Variants in DTNBP1 observed in about 807,000 individuals in gnomAD.
DTNBP1 encodes dysbindin.
A neutral mutation model predicts 42.8 loss-of-function variants in DTNBP1; 35 were observed. The ratio of observed to expected loss-of-function variants is 0.82; its 90% confidence interval spans 0.63 to 1.09. The LOEUF is 1.09. Ranked by LOEUF, DTNBP1 falls within the 50% of genes least tolerant of loss-of-function variation. DTNBP1 has a pLI of 0.00. For synonymous variants in DTNBP1, 171 were observed against 162.2 expected, an observed-to-expected ratio of 1.05 and a Z score of -0.41; for missense variants, 457 against 424.2, an observed-to-expected ratio of 1.08 and a Z score of -0.68.
chr6:15,657,239 T>C (rs1761337388), intron 1 of DTNBP1, among the ~76,000 whole-genome samples: 1 of 152,226 alleles, frequency 6.6e-6, no homozygotes, highest in Non-Finnish European at 1.5e-5. Flanking sequence ...AAATTTCCAA[T>C]TGCTTCTCAG....
At chr6:15,562,800 A>T (rs1288324396) in intron 7 of DTNBP1, among the ~76,000 whole-genome samples, 1 of 152,144 alleles carries the variant, frequency 6.6e-6, no homozygotes, top group Non-Finnish European at 1.5e-5. Flanking sequence ...TAATACTCTT[A>T]ATCTGCGTAA....
chr6:15,603,958 C>T (rs1360846275), intron 6 of DTNBP1, among the ~76,000 whole-genome samples: 3 of 152,156 alleles, frequency 2.0e-5, no homozygotes, highest in Non-Finnish European at 4.4e-5. Context: ...ACTCTCTCCT[C>T]TCTGGGACTA....
At chr6:15,657,645 G>A (rs537167530) in intron 1 of DTNBP1, among the ~76,000 whole-genome samples, 3 of 152,250 alleles carry the variant, frequency 2.0e-5, no homozygotes, top group East Asian at 3.9e-4. Context: ...CAGAACTTAT[G>A]GCCGTCTAGA....
chr6:15,579,967 C>T (rs747014463), intron 7 of DTNBP1: 1 of 237,670 alleles, frequency 4.2e-6, no homozygotes, highest in Middle Eastern at 4.5e-4. Context: ...ATTATGTGTC[C>T]ATTTAAAATA....
At chr6:15,636,092 A>G (rs2113764311) in intron 4 of DTNBP1, among the ~76,000 whole-genome samples, 1 of 151,848 alleles carries the variant, frequency 6.6e-6, no homozygotes, top group African/African-American at 2.4e-5. Flanking sequence ...AGGTTTAGAC[A>G]GTTTCATCCA....
intron 7 of DTNBP1, among the ~76,000 whole-genome samples, chr6:15,549,235 C>T (rs910990185): frequency 2.6e-5 from 4 of 152,078 alleles, no homozygotes; most frequent in South Asian, 2.1e-4. Context: ...GCCTGTAATC[C>T]GAGCACTTTG....
intron 7 of DTNBP1, among the ~76,000 whole-genome samples, chr6:15,591,071 G>C (rs1776277964): frequency 6.6e-6 from 1 of 150,724 alleles, no homozygotes; most frequent in Non-Finnish European, 1.5e-5. Context: ...TAATACTTTG[G>C]AAGAGCTATT....
chr6:15,525,287 G>A (rs754951892), intron 8 of DTNBP1, among the ~76,000 whole-genome samples: 44 of 152,312 alleles, frequency 2.9e-4, no homozygotes, highest in Admixed American at 8.5e-4. Context: ...CACTGAGCAC[G>A]GGATGCCCCA....
intron 7 of DTNBP1, among the ~76,000 whole-genome samples, chr6:15,551,476 C>T (rs977477180): frequency 1.3e-5 from 2 of 152,200 alleles, no homozygotes; most frequent in Non-Finnish European, 2.9e-5. Context: ...CAGCCAACAC[C>T]TGATGGTTCT....
Position 15,603,343 on chromosome 6 carries a change from G to C in DTNBP1, c.489-10262C>G, listed in dbSNP as rs190849743. Among the ~76,000 whole-genome samples, 3 of 152,250 alleles carry C rather than the reference G, an allele frequency of 2.0e-5. No individual in the cohort carries two copies. In the East Asian group the frequency reaches 5.8e-4, roughly 29 times the overall value. ...CCACCTGGGAACCATCTAAAATCTAGCATCTAATAGGGAGAGGGGGGAGTA... is the reference window on the plus strand; with the variant it reads ...CCACCTGGGAACCATCTAAAATCTACCATCTAATAGGGAGAGGGGGGAGTA... On this transcript the variant is annotated intron_variant, in intron 6 of 9. Transcript: ENST00000344537.
intron 6 of DTNBP1, among the ~76,000 whole-genome samples, chr6:15,604,534 ACTCCT>A (rs1757914244): frequency 6.6e-6 from 1 of 151,824 alleles, no homozygotes; most frequent in Non-Finnish European, 1.5e-5. Context: ...TGAGGGCCAC[ACTCCT>A]GCCACACCTC....
At chr6:15,538,247 G>A (rs1395673378) in intron 7 of DTNBP1, among the ~76,000 whole-genome samples, 1 of 152,158 alleles carries the variant, frequency 6.6e-6, no homozygotes, top group Non-Finnish European at 1.5e-5. Flanking sequence ...ACAGGGATTT[G>A]ACACAGGGCC....
At chr6:15,577,309 G>C (rs1775622299) in intron 7 of DTNBP1, among the ~76,000 whole-genome samples, 1 of 152,240 alleles carries the variant, frequency 6.6e-6, no homozygotes, top group East Asian at 1.9e-4. Context: ...AGGCCACAGA[G>C]AGTTTGGCAC....
chr6:15,614,721 T>A (rs904008264), intron 6 of DTNBP1, among the ~76,000 whole-genome samples: 5 of 152,210 alleles, frequency 3.3e-5, no homozygotes, highest in Admixed American at 2.6e-4. Flanking sequence ...CTGAATTAGG[T>A]AACAATTAAT....
At chr6:15,659,877 C>A (rs1761504793) in intron 1 of DTNBP1, among the ~76,000 whole-genome samples, 1 of 151,938 alleles carries the variant, frequency 6.6e-6, no homozygotes, top group South Asian at 2.1e-4. Flanking sequence ...TTTGTGTTGC[C>A]CAGTCTTGAA....
chr6:15,649,843 C>T (rs762409526), intron 3 of DTNBP1, among the ~76,000 whole-genome samples: 2 of 152,080 alleles, frequency 1.3e-5, no homozygotes, highest in South Asian at 4.1e-4. Context: ...AAAAAATGTA[C>T]CACACAAAAA....
intron 7 of DTNBP1, among the ~76,000 whole-genome samples, chr6:15,540,302 C>T (rs1345698828): frequency 6.6e-6 from 1 of 152,146 alleles, no homozygotes; most frequent in African/African-American, 2.4e-5. Context: ...AATAAGTCAA[C>T]CCTAAAATAC....
At chr6:15,626,291 A>C (rs1259493918) in intron 5 of DTNBP1, among the ~76,000 whole-genome samples, 4 of 152,224 alleles carry the variant, frequency 2.6e-5, no homozygotes, top group Admixed American at 6.5e-5. Context: ...AAATCATCTA[A>C]TCATCTCTGA....
At position 15,630,714 on chromosome 6, in the gene DTNBP1, G is replaced by A. The variant is rs181719986; in HGVS notation, c.223-3239C>T. Among the ~76,000 whole-genome samples the A allele has an allele frequency of 1.2e-3, 188 of 152,174 alleles. 2 individuals are homozygous for A. In the East Asian group the frequency reaches 0.03, roughly 24 times the overall value. On this transcript the variant is annotated intron_variant, in intron 4 of 9. Coordinates refer to ENST00000344537, the MANE Select transcript of DTNBP1 (RefSeq NM_032122.5). Reference sequence around the variant, plus strand: ...TGGCGGATCATGAGGTTGAGAGATCGAGACCATCCTGGCCAACATGGTGAA... The same window carrying A: ...TGGCGGATCATGAGGTTGAGAGATCAAGACCATCCTGGCCAACATGGTGAA...
Sources: gnomAD v4.1 joint callset for allele counts (sites outside exome capture counted in the v4.1 genomes callset) on GRCh38, gnomAD v4.1.1 for gene constraint, MANE v1.5 for transcripts, NCBI Gene and HGNC (gene_info 2026-07-23, HGNC 2026-07-21) for gene names.